The following ATP11B variants were observed in gnomAD, a reference collection of about 807,000 sequenced individuals.
ATP11B encodes ATPase phospholipid transporting 11B (putative).
A neutral mutation model predicts 157.8 loss-of-function variants in ATP11B; 81 were observed. The ratio of observed to expected loss-of-function variants is 0.51; its 90% CI spans 0.43 to 0.62. The LOEUF (loss-of-function observed/expected upper bound fraction) is 0.62, where lower values mean the gene tolerates loss of function less well. Among genes scored for constraint, ATP11B ranks in the 20% least tolerant of loss-of-function variants. The probability of loss-of-function intolerance (pLI) is 0.00; values close to 1 mark genes in which losing one functional copy is unlikely to be tolerated. For missense variants in ATP11B, 1,165 were observed against 1,402.2 expected, an observed-to-expected ratio of 0.83 and a Z score of 2.70; for synonymous variants, 451 against 469.4, an observed-to-expected ratio of 0.96 and a Z score of 0.51.
At chr3:182,896,050 A>T (rs567544213) in intron 25 of ATP11B, among the ~76,000 whole-genome samples, 9 of 151,760 alleles carry the variant, frequency 5.9e-5, no homozygotes, top group Non-Finnish European at 1.2e-4. Flanking sequence ...TGTAAACTAA[A>T]TTATTAAACT....
intron 7 of ATP11B, 38 bp downstream of exon 7, chr3:182,837,212 A>G (rs574686968): frequency 3.1e-5 from 43 of 1,375,228 alleles, no homozygotes; most frequent in Middle Eastern, 1.8e-4. Context: ...TTTAAGTCCT[A>G]TTTACAGACC....
Position 182,919,607 on chromosome 3 carries a change from AAATGTAATTCCTTTAT to A in ATP11B, c.*1504_*1519del, listed in dbSNP as rs1725341093. 1 of 152,200 alleles carries A rather than the reference AAATGTAATTCCTTTAT, an allele frequency of 6.6e-6. No homozygotes were observed. Among genetic ancestry groups the A allele is most frequent in the African/African-American group, 2.4e-5 (1 of 41,462 alleles). 9.4% of individuals were successfully genotyped at this position (152,200 alleles called of 1,614,324 possible). Reference sequence around the variant, plus strand: ...GCGGTTTTACCAAGTTTTCCCTTGAAAATGTAATTCCTTTATGGAGATTTATTGTGCAGCCCTAAGC... The same window carrying A: ...GCGGTTTTACCAAGTTTTCCCTTGAAGGAGATTTATTGTGCAGCCCTAAGC... On this transcript the variant is annotated 3_prime_UTR_variant, in exon 30 of 30. Coordinates refer to ENST00000323116, the MANE Select transcript of ATP11B (RefSeq NM_014616.3).
chr3:182,822,005 T>A (rs901516435), intron 2 of ATP11B, among the ~76,000 whole-genome samples: 1 of 152,214 alleles, frequency 6.6e-6, no homozygotes, highest in African/African-American at 2.4e-5. Context: ...TAACATACCC[T>A]TAGTGCCATC....
intron 12 of ATP11B, 100 bp downstream of exon 12, chr3:182,859,459 CA>C (rs1720667774): frequency 1.1e-5 from 11 of 1,008,660 alleles, no homozygotes; most frequent in South Asian, 2.4e-5. Context: ...ATGCTTATAC[CA>C]AAAACAACCC....
At chr3:182,858,560 A>G (rs1720599648) in intron 11 of ATP11B, among the ~76,000 whole-genome samples, 1 of 152,220 alleles carries the variant, frequency 6.6e-6, no homozygotes, top group African/African-American at 2.4e-5. Context: ...GTATTGGAAG[A>G]CAAATTTGGA....
chr3:182,892,155 C>T (rs1268913146), intron 25 of ATP11B, among the ~76,000 whole-genome samples: 1 of 152,142 alleles, frequency 6.6e-6, no homozygotes, highest in Admixed American at 6.6e-5. Flanking sequence ...AATTCTAAAA[C>T]ATTGCTTATG....
chr3:182,832,357 A>G (rs1271913103), intron 4 of ATP11B, among the ~76,000 whole-genome samples: 5 of 152,202 alleles, frequency 3.3e-5, no homozygotes, highest in African/African-American at 1.2e-4. Flanking sequence ...TTTGAACCAC[A>G]AAGATTTTCT....
At chr3:182,906,118 A>G (rs748921882) in intron 28 of ATP11B, among the ~76,000 whole-genome samples, 1 of 152,116 alleles carries the variant, frequency 6.6e-6, no homozygotes, top group African/African-American at 2.4e-5. Context: ...AATTTTGTCA[A>G]TCTCTCTTTA....
intron 4 of ATP11B, among the ~76,000 whole-genome samples, chr3:182,833,112 T>C (rs1400013990): frequency 2.6e-5 from 4 of 152,140 alleles, no homozygotes; most frequent in Non-Finnish European, 4.4e-5. Flanking sequence ...TTTGGATTAC[T>C]AAGCTGAATA....
rs1195315450 is a variant in ATP11B at position 182,918,028 on chromosome 3, G to A, written c.3458G>A (p.Trp1153Ter). Reference sequence around the variant, plus strand: ...TTCTCTTATTGTTACTTTAGATCATGGAGTGCATCGGATCCTTTCTATACC... The same window carrying A: ...TTCTCTTATTGTTACTTTAGATCATAGAGTGCATCGGATCCTTTCTATACC... ...RCSPTHISRSWSASDPFYTND... is the reference protein window; with the variant it reads ...RCSPTHISRS Residue 1153 changes from tryptophan (W) to a stop codon, truncating the protein, a stop_gained, in exon 30 of 30, where the codon TGG becomes TAG. Coordinates refer to ENST00000323116, the MANE Select transcript of ATP11B (RefSeq NM_014616.3). LOFTEE classifies it high-confidence loss of function. 6.2e-7 allele frequency: 1 copy of A among 1,612,922 alleles called. No individual in the cohort carries two copies. The highest frequency in any genetic ancestry group is 2.2e-5 in the East Asian group (1 of 44,848).
chr3:182,880,053 G>A (rs2108558693), intron 20 of ATP11B, among the ~76,000 whole-genome samples: 1 of 152,306 alleles, frequency 6.6e-6, no homozygotes, highest in African/African-American at 2.4e-5. Context: ...TAGCTATAAA[G>A]TGATAAATAG....
At chr3:182,818,112 A>G (rs1717077810) in intron 1 of ATP11B, among the ~76,000 whole-genome samples, 1 of 152,208 alleles carries the variant, frequency 6.6e-6, no homozygotes, top group Non-Finnish European at 1.5e-5. Flanking sequence ...GCTGGAGAGA[A>G]AGATGGCAGA....
At chr3:182,799,868 C>A (rs1715875632) in intron 1 of ATP11B, among the ~76,000 whole-genome samples, 1 of 152,058 alleles carries the variant, frequency 6.6e-6, no homozygotes, top group Admixed American at 6.5e-5. Context: ...AACCTCGGCA[C>A]TTTGGGAGAC....
chr3:182,887,317 C>G lies in ATP11B; in HGVS notation c.2716-269C>G, dbSNP rs115761891. On this transcript the variant is annotated intron_variant, in intron 23 of 29. Transcript: ENST00000323116. ...TTCACAGTGATCAAATTGTGGAGAA[C>G]CTTGAAATGTTGATCTAACTCACGA... Among the ~76,000 whole-genome samples the G allele has an allele frequency of 5.1e-3, 770 of 152,192 alleles. 8 individuals are homozygous for G. The highest frequency in any genetic ancestry group is 0.017 in the African/African-American group (724 of 41,534).
In ATP11B at chr3:182,848,539, A is replaced by T; in HGVS notation, c.833A>T (p.Lys278Ile). The T allele has an allele frequency of 6.4e-7, 1 of 1,565,448 alleles. No individual in the cohort carries two copies. The highest frequency in any genetic ancestry group is 8.7e-7 in the Non-Finnish European group (1 of 1,154,406). The change falls in exon 10 of 30, where the codon AAA becomes ATA. Residue 278 changes from lysine (K) to isoleucine (I), a missense_variant. Around this residue, in one of 4 missense-constraint regions of ATP11B, gnomAD observed 737 missense variants for 930.5 expected, o/e 0.79. Transcript: ENST00000323116. ...MALNYKSKSQKRSAVEKSMNT... is the reference protein window; with the variant it reads ...MALNYKSKSQIRSAVEKSMNT... ...TTAAATTACAAGAGCAAATCACAGA[A>T]ACGATCTGCAGTAGAAAAGTAAGAA... is the stretch of plus-strand genomic sequence containing the variant.
At chr3:182,828,931 C>T (rs924910878) in intron 3 of ATP11B, among the ~76,000 whole-genome samples, 3 of 152,114 alleles carry the variant, frequency 2.0e-5, no homozygotes, top group Admixed American at 1.3e-4. Context: ...ACTCTTCTCT[C>T]AGTAGAACCT....
chr3:182,911,592 A>G (rs1724801154), intron 28 of ATP11B, among the ~76,000 whole-genome samples: 1 of 152,086 alleles, frequency 6.6e-6, no homozygotes, highest in Admixed American at 6.5e-5. Context: ...GAGACAATCC[A>G]TGAGAAGCAT....
chr3:182,827,284 A>G (rs1005025643), intron 2 of ATP11B, among the ~76,000 whole-genome samples: 1 of 152,140 alleles, frequency 6.6e-6, no homozygotes, highest in Non-Finnish European at 1.5e-5. Context: ...TGAGCTGAGT[A>G]ATAATAATAA....
chr3:182,837,533 G>T (rs969274689), intron 7 of ATP11B, among the ~76,000 whole-genome samples: 2 of 151,986 alleles, frequency 1.3e-5, no homozygotes, highest in Non-Finnish European at 1.5e-5. Context: ...CAGGGACTAT[G>T]TCTTTGTTTT....
Sources: allele counts gnomAD v4.1 joint callset (sites outside exome capture counted in the v4.1 genomes callset), GRCh38; gene constraint gnomAD v4.1.1; regional missense constraint gnomAD v4.1.1; transcripts MANE v1.5; gene names NCBI Gene and HGNC (gene_info 2026-07-23, HGNC 2026-07-21).